Variants in RBM12 observed in about 807,000 individuals in gnomAD.
The protein encoded by RBM12 is RNA binding motif protein 12.
RBM12 carries 24 observed loss-of-function variants against 37.2 expected under a neutral mutation model. That is an observed-to-expected ratio of 0.65 (90% confidence interval 0.47 to 0.91). The LOEUF (loss-of-function observed/expected upper bound fraction) is 0.91, where lower values mean the gene tolerates loss of function less well. Among genes scored for constraint, RBM12 ranks in the 40% least tolerant of loss-of-function variants. The probability of loss-of-function intolerance (pLI) is 0.00; values close to 1 mark genes in which losing one functional copy is unlikely to be tolerated. For missense variants in RBM12, 1,061 were observed against 1,183.2 expected (o/e 0.90, Z 1.52); for synonymous variants, 420 against 425.2 (o/e 0.99, Z 0.15).
Position 35,653,157 on chromosome 20 carries a change from G to C in RBM12, c.2166C>G (p.Asn722Lys), listed in dbSNP as rs1230054671. 2 of 1,613,578 alleles carry C rather than the reference G, an allele frequency of 1.2e-6. No individual in the cohort carries two copies. Residue 722 changes from asparagine (N) to lysine (K), a missense_variant, in exon 3 of 3, where the codon AAC becomes AAG. Around this residue, in one of 3 missense-constraint regions of RBM12, gnomAD observed 517 missense variants for 534.0 expected, o/e 0.97. Transcript: ENST00000374114. ...TTGATCCACCAAAATTACCAGGAAA[G>C]TTAAATGGAGGCCCATTATTGGCTT... ...SKEANNGPPF[N>K]FPGNFGGSNA...
At position 35,654,706 on chromosome 20, in the gene RBM12, G is replaced by T; in HGVS notation, c.617C>A (p.Pro206His). The change falls in exon 3 of 3, where the codon CCC (proline) becomes CAC (histidine). Residue 206 changes from proline (P) to histidine (H), a missense_variant. This residue lies in a region of RBM12 where 540 missense variants were observed against 632.7 expected (regional missense o/e 0.85). Transcript: ENST00000374114. ...MPSLPPMPSIPPIPVPPPVPT... is the reference protein window; with the variant it reads ...MPSLPPMPSIHPIPVPPPVPT... Reference sequence around the variant, plus strand: ...TACTGGAGGAGGAACTGGAATTGGGGGAATGGATGGCATTGGTGGCAGAGA... The same window carrying T: ...TACTGGAGGAGGAACTGGAATTGGGTGAATGGATGGCATTGGTGGCAGAGA... 1 of 1,613,830 alleles carries T rather than the reference G, an allele frequency of 6.2e-7. No homozygotes were observed.
At position 35,650,465 on chromosome 20, in the gene RBM12, C is replaced by T. The variant is rs2033423461; in HGVS notation, c.*2059G>A. The T allele has an allele frequency of 6.6e-6, 1 of 152,558 alleles. No homozygotes were observed. The highest frequency in any genetic ancestry group is 6.5e-5 in the Admixed American group (1 of 15,274). The allele number at this position is 152,558 out of a possible 1,614,324, so 9.5% of individuals were successfully genotyped here. A position where few individuals can be genotyped will look rare whatever the true frequency, so the allele number is the denominator to read the frequency against. On this transcript the variant is annotated 3_prime_UTR_variant, in exon 3 of 3. Transcript: ENST00000374114. ...TTTCCAATGGAGAAAATATCTGTGG[C>T]TGAAATACAACTCTCAAGCAGTGCT...
rs1165454171 is a variant in RBM12, at chr20:35,653,844, C to T, written c.1479G>A (p.Gln493=). ...CTTGAATAAAGCGATTGCCCATGTA[C>T]TGTTTATGACGACACAGAGCAGCCT... ...DYKAALCRHK[Q]YMGNRFIQVH... Residue 493 remains glutamine (Q), a synonymous_variant, in exon 3 of 3, where the codon CAG becomes CAA. Coordinates refer to ENST00000374114, the MANE Select transcript of RBM12 (RefSeq NM_006047.6). The T allele has an allele frequency of 6.2e-7, 1 of 1,613,888 alleles. No homozygotes were observed.
At chr20:35,657,754 C>G (rs1055334208) in intron 2 of RBM12, among the ~76,000 whole-genome samples, 1 of 152,128 alleles carries the variant, frequency 6.6e-6, no homozygotes, top group Non-Finnish European at 1.5e-5. Context: ...TTTCTAGCTT[C>G]CAAAAAATAT....
chr20:35,658,002 C>T (rs111306810), intron 2 of RBM12, among the ~76,000 whole-genome samples: 15,275 of 151,972 alleles, frequency 0.1, 806 homozygotes, highest in South Asian at 0.15. Context: ...GCAGAGATCA[C>T]GCCACTGCAC....
At chr20:35,660,064 C>A (rs2034143436) in intron 1 of RBM12, among the ~76,000 whole-genome samples, 1 of 152,202 alleles carries the variant, frequency 6.6e-6, no homozygotes, top group Non-Finnish European at 1.5e-5. Context: ...ACAAACTATT[C>A]ATCGTCTAGT....
At chr20:35,658,802 AACACACACACACACACACACACAC>A (rs10542710) in intron 2 of RBM12, 104 bp downstream of exon 2, 1 of 472,632 alleles carries the variant, frequency 2.1e-6, no homozygotes, top group African/African-American at 2.1e-5. Context: ...AGCAAACAAA[AACACACACACACACACACACACAC>A]ACACACACAC....
At position 35,651,116 on chromosome 20, in the gene RBM12, CAGTG is replaced by C. The variant is rs2033483086; in HGVS notation, c.*1404_*1407del. On this transcript the variant is annotated 3_prime_UTR_variant, in exon 3 of 3. Coordinates refer to ENST00000374114, the MANE Select transcript of RBM12 (RefSeq NM_006047.6). ...TAACCATAATTAGAGCCTTTTATGA[CAGTG>C]AGAAAATTTGTTTTTCATATCATCT... 6.6e-6 allele frequency: 1 copy of C among 152,142 alleles called. No individual in the cohort carries two copies. The highest frequency in any genetic ancestry group is 6.5e-5 in the Admixed American group (1 of 15,268). 9.4% of individuals were successfully genotyped at this position (152,142 alleles called of 1,614,324 possible). A position where few individuals can be genotyped will look rare whatever the true frequency, so the allele number is the denominator to read the frequency against.
rs1473661872 is a variant in RBM12 at position 35,654,734 on chromosome 20, G to A, written c.589C>T (p.Pro197Ser). Reference sequence around the variant, plus strand: ...ATGGATGGCATTGGTGGCAGAGATGGCATCGCTGGAATTGGAGGAATTGGT... The same window carrying A: ...ATGGATGGCATTGGTGGCAGAGATGACATCGCTGGAATTGGAGGAATTGGT... ...PPPIPPIPAM[P>S]SLPPMPSIPP... is the part of the protein sequence containing the mutation. The change falls in exon 3 of 3, where the codon CCA becomes TCA. Residue 197 changes from proline (P) to serine (S), a missense_variant. Coordinates refer to ENST00000374114, the MANE Select transcript of RBM12 (RefSeq NM_006047.6). The A allele has an allele frequency of 6.2e-7, 1 of 1,613,206 alleles. No homozygotes were observed. Among genetic ancestry groups the A allele is most frequent in the Admixed American group, 1.7e-5 (1 of 60,026 alleles).
At chr20:35,661,474 A>G (rs1235172037) in intron 1 of RBM12, among the ~76,000 whole-genome samples, 1 of 152,240 alleles carries the variant, frequency 6.6e-6, no homozygotes. Flanking sequence ...TAATGATAGG[A>G]AAGGAGAAAA....
intron 1 of RBM12, among the ~76,000 whole-genome samples, chr20:35,663,612 C>T (rs1021136962): frequency 6.6e-6 from 1 of 152,086 alleles, no homozygotes; most frequent in Non-Finnish European, 1.5e-5. Context: ...TTTTAGGGCC[C>T]AGAAATCTCT....
At position 35,650,244 on chromosome 20, in the gene RBM12, AATTT is replaced by A. The variant is rs1431563617; in HGVS notation, c.*2276_*2279del. 7 of 152,286 alleles carry A rather than the reference AATTT, an allele frequency of 4.6e-5. No individual in the cohort carries two copies. The highest frequency in any genetic ancestry group is 5.9e-5 in the Non-Finnish European group (4 of 67,994). 9.4% of individuals were successfully genotyped at this position (152,286 alleles called of 1,614,324 possible). On this transcript the variant is annotated 3_prime_UTR_variant, in exon 3 of 3. Coordinates refer to ENST00000374114, the MANE Select transcript of RBM12 (RefSeq NM_006047.6). ...CAATTTCTACACAAACCGCTCTTTT[AATTT>A]ATTTAATTAGATGAACAATGAAATC... is the stretch of plus-strand genomic sequence containing the variant.
At position 35,652,290 on chromosome 20, in the gene RBM12, A is replaced by C. The variant is rs2033578388; in HGVS notation, c.*234T>G. On this transcript the variant is annotated 3_prime_UTR_variant, in exon 3 of 3. Transcript: ENST00000374114. The stretch of plus-strand genomic sequence containing the variant: ...TTTTACAAATGGTTTCTCTAATGGT[A>C]TGCCAAAATCATTTATGTGTTCTCT... 6.6e-6 allele frequency: 3 copies of C among 454,054 alleles called. No individual in the cohort carries two copies. Among genetic ancestry groups the C allele is most frequent in the East Asian group, 7.5e-5 (2 of 26,618 alleles). 28.1% of individuals were successfully genotyped at this position (454,054 alleles called of 1,614,324 possible).
At chr20:35,663,491 C>CT (rs1169777478) in intron 1 of RBM12, among the ~76,000 whole-genome samples, 3 of 152,134 alleles carry the variant, frequency 2.0e-5, no homozygotes, top group Non-Finnish European at 4.4e-5. Flanking sequence ...TGCCATCACA[C>CT]TTTTTTCCAG....
intron 2 of RBM12, among the ~76,000 whole-genome samples, chr20:35,658,455 A>C (rs773124385): frequency 2.0e-5 from 3 of 152,134 alleles, no homozygotes; most frequent in Non-Finnish European, 4.4e-5. Context: ...CCTATCCCTC[A>C]GATAAACTTG....
In RBM12 at chr20:35,653,490, C is replaced by A. The variant is rs149595980; in HGVS notation, c.1833G>T (p.Gly611=). The part of the protein sequence containing the change: ...SERLHRKKLN[G]REAFVHVVTL... ...TAACTACATGAACAAAAGCTTCTCTCCCATTAAGTTTTTTACGGTGTAAGC... is the reference window on the plus strand; with the variant it reads ...TAACTACATGAACAAAAGCTTCTCTACCATTAAGTTTTTTACGGTGTAAGC... The change falls in exon 3 of 3, where the codon GGG becomes GGT. Residue 611 remains glycine, a synonymous_variant. Transcript: ENST00000374114. The A allele has an allele frequency of 6.2e-7, 1 of 1,614,104 alleles. No individual in the cohort carries two copies. Among genetic ancestry groups the A allele is most frequent in the Non-Finnish European group, 8.5e-7 (1 of 1,180,056 alleles).
rs774664930 is a variant in RBM12 at position 35,654,897 on chromosome 20, T to A, written c.426A>T (p.Glu142Asp). Residue 142 changes from glutamate to aspartate, a missense_variant, in exon 3 of 3, where the codon GAA becomes GAT. Transcript: ENST00000374114. ...SVVTATTSVH[E>D]SNKNIQTFST... ...AAAATGTCTGTATGTTTTTGTTGCT[T>A]TCATGAACAGAAGTGGTGGCAGTAA... The A allele has an allele frequency of 6.2e-7, 1 of 1,614,096 alleles. No individual in the cohort carries two copies. Among genetic ancestry groups the A allele is most frequent in the Admixed American group, 1.7e-5 (1 of 60,024 alleles).
Position 35,650,357 on chromosome 20 carries a change from C to T in RBM12, c.*2167G>A, listed in dbSNP as rs917575601. 2 of 152,200 alleles carry T rather than the reference C, an allele frequency of 1.3e-5. No homozygotes were observed. Among genetic ancestry groups the T allele is most frequent in the Non-Finnish European group, 2.9e-5 (2 of 67,974 alleles). 9.4% of individuals were successfully genotyped at this position (152,200 alleles called of 1,614,324 possible). On this transcript the variant is annotated 3_prime_UTR_variant, in exon 3 of 3. Transcript: ENST00000374114. The stretch of plus-strand genomic sequence containing the variant: ...GTATGAAATATTTAATAAGAATGTA[C>T]GAACATATAACCAAAATAAATTGTG...
At chr20:35,659,793 T>G (rs991537922) in intron 1 of RBM12, among the ~76,000 whole-genome samples, 7 of 152,236 alleles carry the variant, frequency 4.6e-5, no homozygotes, top group Non-Finnish European at 1.0e-4. Flanking sequence ...TATTAACAAG[T>G]CACAAGCATA....
Sources: gnomAD v4.1 joint callset for allele counts (sites outside exome capture counted in the v4.1 genomes callset) on GRCh38, gnomAD v4.1.1 for gene constraint, gnomAD v4.1.1 regional missense constraint, MANE v1.5 for transcripts, NCBI Gene and HGNC (gene_info 2026-07-23, HGNC 2026-07-21) for gene names.